TTN: variants seen among roughly 807,000 people sequenced by gnomAD.
TTN encodes the protein titin.
TTN carries 1,525 observed loss-of-function variants against 3,223.0 expected under a neutral mutation model. The ratio of observed to expected loss-of-function variants is 0.47; its 90% CI spans 0.45 to 0.49. The LOEUF is 0.49. Among genes scored for constraint, TTN ranks in the 20% least tolerant of loss-of-function variants. The pLI, the probability that TTN is intolerant of heterozygous loss-of-function variation, is 0.00. For missense variants in TTN, 40,786 were observed against 43,424.0 expected, an observed-to-expected ratio of 0.94 and a Z score of 5.40; for synonymous variants, 14,094 against 15,161.0, an observed-to-expected ratio of 0.93 and a Z score of 5.17.
chr2:178,585,115 G>A lies in TTN; in HGVS notation c.64629C>T (p.Asn21543=). ...DSGYYSLTAE[N]SSGTDTQKIK... The stretch of plus-strand genomic sequence containing the variant: ...TTTTCTGAGTGTCTGTCCCAGAACT[G>A]TTCTCTGCTGTGAGGCTGTAGTAAC... Residue 21543 remains asparagine, a synonymous_variant, in exon 309 of 363, where the codon AAC becomes AAT. Coordinates refer to ENST00000589042, the MANE Select transcript of TTN (RefSeq NM_001267550.2). 6.2e-7 allele frequency: 1 copy of A among 1,612,542 alleles called. No individual in the cohort carries two copies. The highest frequency in any genetic ancestry group is 8.5e-7 in the Non-Finnish European group (1 of 1,179,060).
rs774926230 is a variant in TTN at position 178,539,216 on chromosome 2, G to A, written c.98719C>T (p.Leu32907Phe). The change falls in exon 353 of 363, where the codon CTC (leucine) becomes TTC (phenylalanine). Residue 32907 changes from leucine (L) to phenylalanine (F), a missense_variant. By Grantham distance (22) the Leu-to-Phe change is conservative. Coordinates refer to ENST00000589042, the MANE Select transcript of TTN (RefSeq NM_001267550.2). ...PEPPSNPPEV[L>F]DVTKSSVSLS... is the part of the protein sequence containing the mutation. Reference sequence around the variant, plus strand: ...CTAACAGAACTCTTGGTTACATCGAGTACTTCTGGAGGATTGCTTGGAGGT... The same window carrying A: ...CTAACAGAACTCTTGGTTACATCGAATACTTCTGGAGGATTGCTTGGAGGT... 7 of 1,613,658 alleles carry A rather than the reference G, an allele frequency of 4.3e-6. No homozygotes were observed. The East Asian group carries it at 8.9e-5, about 21-fold the overall frequency.
chr2:178,795,330 G>A (rs1284349548), intron 6 of TTN, 78 bp from the exon 7 acceptor site: 5 of 1,412,798 alleles, frequency 3.5e-6, no homozygotes, highest in Admixed American at 1.7e-5. Context: ...ATGAAAAGCT[G>A]GAAGTGCTTT....
At chr2:178,710,573 C>A in intron 98 of TTN, 62 bp downstream of exon 98, 1 of 1,526,048 alleles carries the variant, frequency 6.6e-7, no homozygotes, top group South Asian at 1.3e-5. Flanking sequence ...AAAAACGACA[C>A]CTTCAGGCTA....
Position 178,607,291 on chromosome 2 carries a change from A to T in TTN, c.53311T>A (p.Leu17771Ile), listed in dbSNP as rs2055111857. ...VFDVPGPVLDLKPVVTNRKMC... is the reference protein window; with the variant it reads ...VFDVPGPVLDIKPVVTNRKMC... ...TTTCTGTTTGTTACAACAGGTTTTA[A>T]GTCAAGAACTGGACCAGGGACATCT... Residue 17771 changes from leucine to isoleucine, a missense_variant, in exon 278 of 363, where the codon TTA (leucine) becomes ATA (isoleucine). Coordinates refer to ENST00000589042, the MANE Select transcript of TTN (RefSeq NM_001267550.2). The T allele has an allele frequency of 6.2e-7, 1 of 1,612,718 alleles. No homozygotes were observed. Among genetic ancestry groups the T allele is most frequent in the East Asian group, 2.2e-5 (1 of 44,638 alleles).
At chr2:178,597,194 T>G (rs1199869545) in intron 294 of TTN, among the ~76,000 whole-genome samples, 1 of 152,090 alleles carries the variant, frequency 6.6e-6, no homozygotes, top group Non-Finnish European at 1.5e-5. Context: ...AAAAGCCATA[T>G]TTATTCTGGG....
rs777641437 is a variant in TTN at position 178,576,079 on chromosome 2, T to C, written c.70053A>G (p.Arg23351=). 9 of 1,613,400 alleles carry C rather than the reference T, an allele frequency of 5.6e-6. No homozygotes were observed. In the Admixed American group the frequency reaches 6.7e-5, roughly 12 times the overall value. Residue 23351 remains arginine (R), a synonymous_variant, in exon 326 of 363, where the codon CGA becomes CGG. Coordinates refer to ENST00000589042, the MANE Select transcript of TTN (RefSeq NM_001267550.2). This position sits in a 1 kb window ranked among gnomAD's most constrained non-coding sequence, Gnocchi z 4.3. ...APDFELDAEL[R]RTLVVRAGLS... ...GTCCTGCTCTAACAACAAGTGTTCT[T>C]CGAAGCTCGGCATCTAGTTCAAAAT...
intron 111 of TTN, among the ~76,000 whole-genome samples, chr2:178,700,534 A>C (rs1157837176): frequency 6.6e-6 from 1 of 152,238 alleles, no homozygotes; most frequent in Non-Finnish European, 1.5e-5. Context: ...TTAGTTGAGA[A>C]GCTTTGGGAC....
Position 178,787,815 on chromosome 2 carries a change from T to C in TTN, c.2076+1545A>G, listed in dbSNP as rs185194415. On this transcript the variant is annotated intron_variant, in intron 13 of 362. Coordinates refer to ENST00000589042, the MANE Select transcript of TTN (RefSeq NM_001267550.2). Reference sequence around the variant, plus strand: ...AGATTTATATACACACACTTATTGGTGGACTACAAATGAGTATGCTGGTAA... The same window carrying C: ...AGATTTATATACACACACTTATTGGCGGACTACAAATGAGTATGCTGGTAA... 6.8e-4 allele frequency among the ~76,000 whole-genome samples: 104 copies of C among 152,238 alleles called. 2 individuals carry two copies. The highest frequency in any genetic ancestry group is 9.8e-4 in the Admixed American group (15 of 15,302).
chr2:178,704,928 C>T lies in TTN; in HGVS notation c.29643G>A (p.Lys9881=), dbSNP rs2075613491. 1 of 1,613,078 alleles carries T rather than the reference C, an allele frequency of 6.2e-7. No individual in the cohort carries two copies. The highest frequency in any genetic ancestry group is 1.3e-5 in the African/African-American group (1 of 74,888). The change falls in exon 104 of 363, where the codon AAG becomes AAA. Residue 9881 remains lysine, a synonymous_variant. Coordinates refer to ENST00000589042, the MANE Select transcript of TTN (RefSeq NM_001267550.2). ...TAAATGATACAAGTTCCTCAAATTC[C>T]TTTTCGTCCCTCTCTGACCTCTCTA... ...EEIERSERDE[K]EFEELVSFIQ... is the part of the protein sequence containing the mutation.
Position 178,591,335 on chromosome 2 carries a change from G to T in TTN, c.60390C>A (p.Asp20130Glu), listed in dbSNP as rs2050148296. Reference sequence around the variant, plus strand: ...TAATGGTAAGTACTGATGAGAAGTTGTCTGTTTCAACTGTGTAGTGCTCAT... The same window carrying T: ...TAATGGTAAGTACTGATGAGAAGTTTTCTGTTTCAACTGTGTAGTGCTCAT... ...KTDEHYTVET[D>E]NFSSVLTIKN... The change falls in exon 304 of 363, where the codon GAC becomes GAA. Residue 20130 changes from aspartate (D) to glutamate (E), a missense_variant. Asp to Glu is a conservative substitution (Grantham distance 45). Coordinates refer to ENST00000589042, the MANE Select transcript of TTN (RefSeq NM_001267550.2). 6.2e-7 allele frequency: 1 copy of T among 1,613,214 alleles called. No individual in the cohort carries two copies. Among genetic ancestry groups the T allele is most frequent in the Admixed American group, 1.7e-5 (1 of 59,964 alleles).
intron 119 of TTN, among the ~76,000 whole-genome samples, chr2:178,692,849 G>A (rs2072805682): frequency 6.6e-6 from 1 of 151,878 alleles, no homozygotes; most frequent in Admixed American, 6.6e-5. Flanking sequence ...TCAGAAACCA[G>A]CTTTTTATGA....
chr2:178,619,638 G>C lies in TTN; in HGVS notation c.46679C>G (p.Ala15560Gly), dbSNP rs2057972776. 1 of 1,611,702 alleles carries C rather than the reference G, an allele frequency of 6.2e-7. No homozygotes were observed. Reference sequence around the variant, plus strand: ...GGACTGACCTGCCAGTTCAAGCTTAGCTCTGGCTTCTTTGTCTTTGGCAAT... The same window carrying C: ...GGACTGACCTGCCAGTTCAAGCTTACCTCTGGCTTCTTTGTCTTTGGCAAT... ...RFIAKDKEAR[A>G]KLELAAAPKI... Residue 15560 changes from alanine (A) to glycine (G), a missense_variant, in exon 250 of 363, where the codon GCT becomes GGT. Physicochemically the swap from Ala to Gly is moderately conservative, Grantham distance 60 (BLOSUM62 0). Coordinates refer to ENST00000589042, the MANE Select transcript of TTN (RefSeq NM_001267550.2).
At chr2:178,667,578 G>A (rs1321507640) in intron 160 of TTN, 53 bp from the exon 161 acceptor site, 2 of 1,579,686 alleles carry the variant, frequency 1.3e-6, no homozygotes, top group African/African-American at 1.4e-5. Context: ...AAAATATTGA[G>A]CTTTTTAAAA....
In TTN at chr2:178,536,355, C is replaced by T. The variant is rs1255753584; in HGVS notation, c.100392G>A (p.Glu33464=). The T allele has an allele frequency of 1.9e-6, 3 of 1,613,768 alleles. No individual in the cohort carries two copies. In the South Asian group the frequency reaches 3.3e-5, roughly 18 times the overall value. ...VKNLIEGLEY[E]FRVKCENLGG... ...CTAGATTTTCACATTTCACACGAAA[C>T]TCGTATTCAAGACCTTCAATAAGGT... is the stretch of plus-strand genomic sequence containing the variant. The change falls in exon 357 of 363, where the codon GAG becomes GAA. Residue 33464 remains glutamate, a synonymous_variant. Coordinates refer to ENST00000589042, the MANE Select transcript of TTN (RefSeq NM_001267550.2).
Position 178,649,620 on chromosome 2 carries a change from G to C in TTN, c.39907C>G (p.Pro13303Ala). Residue 13303 changes from proline (P) to alanine (A), a missense_variant, in exon 212 of 363, where the codon CCA (proline) becomes GCA (alanine). Physicochemically the swap from Pro to Ala is conservative, Grantham distance 27. Transcript: ENST00000589042. ...TTCTTCACTGGAACAACTTTCTTTGGCATCTCAGGTTCTTTAAAGATATCA... is the reference window on the plus strand; with the variant it reads ...TTCTTCACTGGAACAACTTTCTTTGCCATCTCAGGTTCTTTAAAGATATCA... ...EAPPPKEPEM[P>A]KKVVPVKKVP... is the part of the protein sequence containing the mutation. 1 of 1,550,240 alleles carries C rather than the reference G, an allele frequency of 6.5e-7. No homozygotes were observed. The highest frequency in any genetic ancestry group is 8.7e-7 in the Non-Finnish European group (1 of 1,146,562).
intron 361 of TTN, 76 bp downstream of exon 361, chr2:178,528,198 C>G: frequency 2.0e-6 from 3 of 1,471,666 alleles, no homozygotes; most frequent in South Asian, 2.8e-5. Flanking sequence ...TTAGAGTTTT[C>G]TGTGCTTGAA....
At position 178,574,011 on chromosome 2, in the gene TTN, A is replaced by G; in HGVS notation, c.72121T>C (p.Leu24041=). ...AGTCTGAATGCTTCACCTGCTTTTAATATAACCGTGTCCTTAAATTTAACA... is the reference window on the plus strand; with the variant it reads ...AGTCTGAATGCTTCACCTGCTTTTAGTATAACCGTGTCCTTAAATTTAACA... ...VDVKFKDTVI[L]KAGEAFRLEA... The change falls in exon 326 of 363, where the codon TTA becomes CTA. Residue 24041 remains leucine, a synonymous_variant. Coordinates refer to ENST00000589042, the MANE Select transcript of TTN (RefSeq NM_001267550.2). 6.2e-7 allele frequency: 1 copy of G among 1,613,378 alleles called. No homozygotes were observed. The highest frequency in any genetic ancestry group is 8.5e-7 in the Non-Finnish European group (1 of 1,179,618).
In TTN at chr2:178,543,319, A is replaced by G. The variant is rs774339567; in HGVS notation, c.96654T>C (p.Thr32218=). The change falls in exon 347 of 363, where the codon ACT becomes ACC. Residue 32218 remains threonine (T), a synonymous_variant. Coordinates refer to ENST00000589042, the MANE Select transcript of TTN (RefSeq NM_001267550.2). ...KLEVVDVTKS[T]VTLAWEKPLY... is the part of the protein sequence containing the mutation. ...GTGGTTTTTCCCAGGCAAGGGTAAC[A>G]GTGGATTTGGTGACATCGACCACTT... 6.2e-7 allele frequency: 1 copy of G among 1,613,718 alleles called. No individual in the cohort carries two copies. Among genetic ancestry groups the G allele is most frequent in the African/African-American group, 1.3e-5 (1 of 74,888 alleles).
In TTN at chr2:178,567,593, C is replaced by T; in HGVS notation, c.78539G>A (p.Gly26180Glu). ...GAISKPSDST[G>E]PITAKDEVEL... Reference sequence around the variant, plus strand: ...AACCTCATCCTTGGCAGTTATTGGTCCAGTACTGTCAGAGGGTTTACTTAT... The same window carrying T: ...AACCTCATCCTTGGCAGTTATTGGTTCAGTACTGTCAGAGGGTTTACTTAT... Residue 26180 changes from glycine (G) to glutamate (E), a missense_variant, in exon 326 of 363, where the codon GGA becomes GAA. Physicochemically the swap from Gly to Glu is moderately conservative, Grantham distance 98. Transcript: ENST00000589042. 6.2e-7 allele frequency: 1 copy of T among 1,611,260 alleles called. No individual in the cohort carries two copies. Among genetic ancestry groups the T allele is most frequent in the Non-Finnish European group, 8.5e-7 (1 of 1,178,276 alleles).
Sources: allele counts gnomAD v4.1 joint callset (sites outside exome capture counted in the v4.1 genomes callset), GRCh38; gene constraint gnomAD v4.1.1; non-coding constraint Gnocchi (gnomAD v3.1); transcripts MANE v1.5; gene names NCBI Gene and HGNC (gene_info 2026-07-23, HGNC 2026-07-21).